Variants in ZNF84 observed in about 807,000 individuals in gnomAD.
The protein encoded by ZNF84 is zinc finger protein HPF2.
Under a neutral mutation model 14.8 loss-of-function variants are expected in ZNF84, and 12 were observed. The observed-to-expected ratio is 0.81, with a 90% CI of 0.52 to 1.31. ZNF84 has a LOEUF of 1.31. Among genes scored for constraint, ZNF84 ranks in the 50% most tolerant of loss-of-function variants. The pLI is 0.00. For missense variants in ZNF84, 859 were observed against 878.6 expected (o/e 0.98, Z 0.28); for synonymous variants, 347 against 291.1 (o/e 1.19, Z -1.96).
chr12:133,062,945 C>T lies in ZNF84; in HGVS notation c.*4013C>T, dbSNP rs375925460. On this transcript the variant is annotated 3_prime_UTR_variant, in exon 5 of 5. Coordinates refer to ENST00000539354, the MANE Select transcript of ZNF84 (RefSeq NM_001289971.2). ...CCTATTGAATCTATATGAACCTGTA[C>T]GTGTGTTTCTCACTGTGATAATATA... The T allele has an allele frequency of 4.0e-4, 248 of 613,602 alleles. No individual in the cohort carries two copies. The highest frequency in any genetic ancestry group is 3.4e-3 in the African/African-American group (186 of 54,388). The allele number at this position is 613,602 out of a possible 1,614,324, so 38.0% of individuals were successfully genotyped here. A position where few individuals can be genotyped will look rare whatever the true frequency, so the allele number is the denominator to read the frequency against.
chr12:133,049,169 C>T (rs972220258), intron 4 of ZNF84, among the ~76,000 whole-genome samples: 4 of 152,162 alleles, frequency 2.6e-5, no homozygotes, highest in Admixed American at 6.5e-5. Flanking sequence ...TTGGCCATGA[C>T]GTTATTCTCT....
At chr12:133,038,412 C>G (rs1361300448) in intron 1 of ZNF84, among the ~76,000 whole-genome samples, 1 of 151,560 alleles carries the variant, frequency 6.6e-6, no homozygotes, top group Non-Finnish European at 1.5e-5. Flanking sequence ...CAAAAGCATC[C>G]AGGCCCGGTG....
In ZNF84 at chr12:133,061,351, C is replaced by G. The variant is rs1043495255; in HGVS notation, c.*2419C>G. On this transcript the variant is annotated 3_prime_UTR_variant, in exon 5 of 5. Transcript: ENST00000539354. ...ATTAGCCGGGCATGGTTGTGCGTGC[C>G]TGTAATCCCAGTTACTCAGGAGGCT... 1.8e-4 allele frequency: 28 copies of G among 152,284 alleles called. No homozygotes were observed. Among genetic ancestry groups the G allele is most frequent in the African/African-American group, 6.3e-4 (26 of 41,516 alleles). 9.4% of individuals were successfully genotyped at this position (152,284 alleles called of 1,614,324 possible).
intron 4 of ZNF84, among the ~76,000 whole-genome samples, chr12:133,055,940 A>G (rs2137410804): frequency 6.6e-6 from 1 of 152,258 alleles, no homozygotes; most frequent in East Asian, 1.9e-4. Context: ...TTTACAAAAT[A>G]TTAAAAAAAA....
chr12:133,041,390 A>G lies in ZNF84; in HGVS notation c.-78A>G. Reference sequence around the variant, plus strand: ...AGACCTAGCTGAGACCTCACTCCACAGTTTTGGGGCAGAAGCAGAAGAGAC... The same window carrying G: ...AGACCTAGCTGAGACCTCACTCCACGGTTTTGGGGCAGAAGCAGAAGAGAC... On this transcript the variant is annotated 5_prime_UTR_variant, in exon 2 of 5. Coordinates refer to ENST00000539354, the MANE Select transcript of ZNF84 (RefSeq NM_001289971.2). The G allele has an allele frequency of 1.4e-6, 2 of 1,472,346 alleles. No individual in the cohort carries two copies. The highest frequency in any genetic ancestry group is 1.1e-5 in the South Asian group (1 of 87,050). 91.2% of individuals were successfully genotyped at this position (1,472,346 alleles called of 1,614,324 possible).
chr12:133,063,210 C>G lies in ZNF84; in HGVS notation c.*4278C>G. Reference sequence around the variant, plus strand: ...ACCTGGTTCTTCTGGTCTTCATGTTCAGGTCCACCTCTGCCCTTTTCATGT... The same window carrying G: ...ACCTGGTTCTTCTGGTCTTCATGTTGAGGTCCACCTCTGCCCTTTTCATGT... On this transcript the variant is annotated 3_prime_UTR_variant, in exon 5 of 5. Transcript: ENST00000539354. 1 of 702,368 alleles carries G rather than the reference C, an allele frequency of 1.4e-6. No individual in the cohort carries two copies. The highest frequency in any genetic ancestry group is 2.6e-6 in the Non-Finnish European group (1 of 384,828). The allele number at this position is 702,368 out of a possible 1,614,324, so 43.5% of individuals were successfully genotyped here. A position where few individuals can be genotyped will look rare whatever the true frequency, so the allele number is the denominator to read the frequency against.
rs73423880 is a variant in ZNF84 at position 133,045,875 on chromosome 12, G to A, written c.16-2080G>A. 4.2e-3 allele frequency among the ~76,000 whole-genome samples: 633 copies of A among 151,840 alleles called. 3 individuals are homozygous for A. Among genetic ancestry groups the A allele is most frequent in the African/African-American group, 0.015 (611 of 41,376 alleles). On this transcript the variant is annotated intron_variant, in intron 2 of 4. Coordinates refer to ENST00000539354, the MANE Select transcript of ZNF84 (RefSeq NM_001289971.2). ...ACCATGCTCTTTCTTTTCTCTTTCT[G>A]GGACTCCTATGACACTCACATTAGA...
intron 4 of ZNF84, among the ~76,000 whole-genome samples, chr12:133,051,197 C>A (rs1208150191): frequency 1.3e-5 from 2 of 151,240 alleles, no homozygotes; most frequent in African/African-American, 2.4e-5. Context: ...TAGTTGAGAT[C>A]CACTCACCTA....
In ZNF84 at chr12:133,047,992, C is replaced by T; in HGVS notation, c.53C>T (p.Thr18Ile). ...TTTGACGATTTATCTGTGGACTTCA[C>T]CCAAAAGGAGTGGCAGCTACTGGAT... ...FSFDDLSVDF[T>I]QKEWQLLDPS... The change falls in exon 3 of 5, where the codon ACC becomes ATC. Residue 18 changes from threonine (T) to isoleucine (I), a missense_variant. Transcript: ENST00000539354. 1 of 1,614,016 alleles carries T rather than the reference C, an allele frequency of 6.2e-7. No homozygotes were observed.
At chr12:133,037,938 C>G (rs1286486322) in intron 1 of ZNF84, 1 of 152,244 alleles carries the variant, frequency 6.6e-6, no homozygotes, top group Non-Finnish European at 1.5e-5. Context: ...CTGCCGCTAT[C>G]GAAGGAGGCT....
Position 133,062,777 on chromosome 12 carries a change from TATC to T in ZNF84, c.*3846_*3848del. 1 of 336,884 alleles carries T rather than the reference TATC, an allele frequency of 3.0e-6. No homozygotes were observed. Among genetic ancestry groups the T allele is most frequent in the Non-Finnish European group, 5.5e-6 (1 of 181,068 alleles). The allele number at this position is 336,884 out of a possible 1,614,324, so 20.9% of individuals were successfully genotyped here. ...AAGGACTTTTGTATAAACCAATGCCTATCTATCTATCATTTCTGAAAACTTTTT... is the reference window on the plus strand; with the variant it reads ...AAGGACTTTTGTATAAACCAATGCCTTATCTATCATTTCTGAAAACTTTTT... On this transcript the variant is annotated 3_prime_UTR_variant, in exon 5 of 5. Transcript: ENST00000539354.
At position 133,062,997 on chromosome 12, in the gene ZNF84, T is replaced by G. The variant is rs1954289277; in HGVS notation, c.*4065T>G. 1.5e-6 allele frequency: 1 copy of G among 660,570 alleles called. No individual in the cohort carries two copies. Among genetic ancestry groups the G allele is most frequent in the Non-Finnish European group, 2.7e-6 (1 of 365,254 alleles). 40.9% of individuals were successfully genotyped at this position (660,570 alleles called of 1,614,324 possible). A position where few individuals can be genotyped will look rare whatever the true frequency, so the allele number is the denominator to read the frequency against. On this transcript the variant is annotated 3_prime_UTR_variant, in exon 5 of 5. Transcript: ENST00000539354. ...TCATTGCATGTTTTATCTTTCCCAC[T>G]AGAAAGCTTCTAGAAAGCTAGTACT...
chr12:133,052,833 G>T (rs1486689462), intron 4 of ZNF84, among the ~76,000 whole-genome samples: 1 of 152,202 alleles, frequency 6.6e-6, no homozygotes, highest in Non-Finnish European at 1.5e-5. Flanking sequence ...AGACATGAAA[G>T]ATGTGAAATG....
Position 133,053,449 on chromosome 12 carries a change from G to A in ZNF84, c.239-3505G>A, listed in dbSNP as rs1290643560. ...AGACATCTCAAAATTAATATATTAG[G>A]CCTAACAGTGTCAATTGTGGGGGCT... On this transcript the variant is annotated intron_variant, in intron 4 of 4. Transcript: ENST00000539354. 4.6e-5 allele frequency among the ~76,000 whole-genome samples: 7 copies of A among 152,152 alleles called. No homozygotes were observed. In the East Asian group the frequency reaches 1.4e-3, roughly 29 times the overall value.
In ZNF84 at chr12:133,054,774, A is replaced by G. The variant is rs1308587419; in HGVS notation, c.239-2180A>G. 9.0e-4 allele frequency among the ~76,000 whole-genome samples: 137 copies of G among 152,180 alleles called. 3 individuals carry two copies. The highest frequency in any genetic ancestry group is 3.1e-3 in the African/African-American group (128 of 41,550). On this transcript the variant is annotated intron_variant, in intron 4 of 4. Coordinates refer to ENST00000539354, the MANE Select transcript of ZNF84 (RefSeq NM_001289971.2). ...TTTTAAATTTAATTTTTCTTTTTCA[A>G]TGAATCTTTGATTTCTTCACTTTAA...
Position 133,063,061 on chromosome 12 carries a change from A to G in ZNF84, c.*4129A>G. 1.4e-6 allele frequency: 1 copy of G among 701,066 alleles called. No individual in the cohort carries two copies. Among genetic ancestry groups the G allele is most frequent in the Non-Finnish European group, 2.6e-6 (1 of 383,796 alleles). 43.4% of individuals were successfully genotyped at this position (701,066 alleles called of 1,614,324 possible). A position where few individuals can be genotyped will look rare whatever the true frequency, so the allele number is the denominator to read the frequency against. ...GTGTAATTTTTGCATCACAAGCTAT[A>G]TTTAAATGTGGGTGCAGTGAGTGGC... On this transcript the variant is annotated 3_prime_UTR_variant, in exon 5 of 5. Transcript: ENST00000539354.
intron 1 of ZNF84, chr12:133,040,583 A>T (rs902973006): frequency 6.6e-6 from 1 of 151,900 alleles, no homozygotes; most frequent in South Asian, 2.1e-4. Context: ...AAAAAAAAAA[A>T]AAAAAAAGAA....
chr12:133,039,782 G>A (rs1283285416), intron 1 of ZNF84, among the ~76,000 whole-genome samples: 6 of 151,820 alleles, frequency 4.0e-5, no homozygotes, highest in Non-Finnish European at 8.8e-5. Context: ...AAGGAGGGGG[G>A]AAAAACAGTA....
intron 2 of ZNF84, among the ~76,000 whole-genome samples, chr12:133,044,170 G>C (rs912853164): frequency 6.9e-6 from 1 of 145,884 alleles, no homozygotes; most frequent in Non-Finnish European, 1.5e-5. Context: ...TAAGAGACAT[G>C]GTCTCACTCT....
Sources: gnomAD v4.1 joint callset for allele counts (sites outside exome capture counted in the v4.1 genomes callset) on GRCh38, gnomAD v4.1.1 for gene constraint, MANE v1.5 for transcripts, NCBI Gene and HGNC (gene_info 2026-07-23, HGNC 2026-07-21) for gene names.